The following PPP1R21 variants were observed in gnomAD, a reference collection of about 807,000 sequenced individuals.
PPP1R21 encodes protein phosphatase 1 regulatory subunit 21, also known as KLRAQ motif containing 1.
In PPP1R21, 85 loss-of-function variants were observed where a neutral mutation model predicts 112.8. The observed-to-expected ratio is 0.75, with a 90% CI of 0.63 to 0.90. The LOEUF is 0.90. Ranked by LOEUF, PPP1R21 falls within the 40% of genes least tolerant of loss-of-function variation. The pLI is 0.00. For missense variants in PPP1R21, 1,199 were observed against 901.5 expected (o/e 1.33, Z -4.23); for synonymous variants, 381 against 322.3 (o/e 1.18, Z -1.95).
In PPP1R21 at chr2:48,450,954, G is replaced by C. The variant is rs1023317533; in HGVS notation, c.58-54G>C. ...CCTGTAAAATTGATGTGATTTCCTT[G>C]ATATAACCAATTGCTTTATATTAGA... On this transcript the variant is annotated intron_variant, in intron 1 of 21. Coordinates refer to ENST00000294952, the MANE Select transcript of PPP1R21 (RefSeq NM_001135629.3). 21 of 1,447,470 alleles carry C rather than the reference G, an allele frequency of 1.5e-5. No homozygotes were observed. In the African/African-American group the frequency reaches 2.4e-4, roughly 16 times the overall value. The allele number at this position is 1,447,470 out of a possible 1,614,324, so 89.7% of individuals were successfully genotyped here.
intron 11 of PPP1R21, among the ~76,000 whole-genome samples, chr2:48,471,786 C>T (rs1668505628): frequency 6.6e-6 from 1 of 152,030 alleles, no homozygotes; most frequent in Non-Finnish European, 1.5e-5. Flanking sequence ...ATTTAGTAAC[C>T]TTTGATATTC....
At chr2:48,452,559 T>A (rs1018987037) in intron 2 of PPP1R21, among the ~76,000 whole-genome samples, 3 of 151,060 alleles carry the variant, frequency 2.0e-5, no homozygotes, top group South Asian at 2.1e-4. Flanking sequence ...ATAAATTATT[T>A]TTTTTTTTAC....
intron 18 of PPP1R21, among the ~76,000 whole-genome samples, chr2:48,506,881 G>C (rs1670403204): frequency 6.6e-6 from 1 of 150,594 alleles, no homozygotes; most frequent in African/African-American, 2.4e-5. Flanking sequence ...GGGAGGCGGA[G>C]CTTGCAGTGA....
chr2:48,443,880 G>T (rs76874430), intron 1 of PPP1R21, among the ~76,000 whole-genome samples: 11,370 of 152,240 alleles, frequency 0.075, 603 homozygotes, highest in Non-Finnish European at 0.11. Context: ...AAAGGAAAAA[G>T]GTGTCCTCTT....
intron 9 of PPP1R21, among the ~76,000 whole-genome samples, chr2:48,468,555 G>C (rs1026302616): frequency 6.6e-6 from 1 of 152,138 alleles, no homozygotes; most frequent in African/African-American, 2.4e-5. Flanking sequence ...GCTCACACCT[G>C]TAATCCTAGT....
At position 48,495,721 on chromosome 2, in the gene PPP1R21, C is replaced by G. The variant is rs187070973; in HGVS notation, c.1642C>G (p.Arg548Gly). ...SVPYEEALAN[R>G]RILLSSTESR... ...GCCTTATGAAGAAGCACTGGCAAAC[C>G]GCCGCATCCTTCTCAGCTCTACTGA... The change falls in exon 16 of 22, where the codon CGC (arginine) becomes GGC (glycine). Residue 548 changes from arginine to glycine, a missense_variant. Coordinates refer to ENST00000294952, the MANE Select transcript of PPP1R21 (RefSeq NM_001135629.3). 1.2e-6 allele frequency: 2 copies of G among 1,612,480 alleles called. No homozygotes were observed. Among genetic ancestry groups the G allele is most frequent in the East Asian group, 2.2e-5 (1 of 44,864 alleles).
chr2:48,453,478 C>G (rs563919642), intron 2 of PPP1R21, among the ~76,000 whole-genome samples: 2 of 152,172 alleles, frequency 1.3e-5, no homozygotes, highest in Admixed American at 6.5e-5. Context: ...CAGGCATGAG[C>G]CACTGTGCCA....
At chr2:48,507,114 A>C in intron 18 of PPP1R21, 155 bp from the exon 19 acceptor site, 1 of 1,055,152 alleles carries the variant, frequency 9.5e-7, no homozygotes, top group Non-Finnish European at 1.3e-6. Flanking sequence ...CTTCCCTGCT[A>C]TGTCTGAAGT....
At chr2:48,486,480 G>GA (rs1175665528) in intron 13 of PPP1R21, 151 bp from the exon 14 acceptor site, 1 of 569,556 alleles carries the variant, frequency 1.8e-6, no homozygotes, top group Non-Finnish European at 3.1e-6. Flanking sequence ...TGACCTAATT[G>GA]ATACTCAGTG....
chr2:48,495,684 C>G lies in PPP1R21; in HGVS notation c.1605C>G (p.Leu535=). The stretch of plus-strand genomic sequence containing the variant: ...TTATGATGCTTTTATCATAGCCCCT[C>G]TTGGAGTCTGTGCCTTATGAAGAAG... ...AAYMKSLRKP[L]LESVPYEEAL... Residue 535 remains leucine (L), a synonymous_variant, in exon 16 of 22, where the codon CTC becomes CTG. Coordinates refer to ENST00000294952, the MANE Select transcript of PPP1R21 (RefSeq NM_001135629.3). 1.3e-6 allele frequency: 2 copies of G among 1,597,760 alleles called. No individual in the cohort carries two copies. Among genetic ancestry groups the G allele is most frequent in the Non-Finnish European group, 1.7e-6 (2 of 1,165,184 alleles).
Position 48,498,803 on chromosome 2 carries a change from A to G in PPP1R21, c.1935+68A>G, listed in dbSNP as rs1427502246. ...CTAATTGGTAAGTATCTAATGTTCA[A>G]CATTAACCATTGTCTTAGTTCATTC... On this transcript the variant is annotated intron_variant, in intron 17 of 21. Coordinates refer to ENST00000294952, the MANE Select transcript of PPP1R21 (RefSeq NM_001135629.3). The G allele has an allele frequency of 8.7e-6, 13 of 1,487,392 alleles. No individual in the cohort carries two copies. The Admixed American group carries it at 1.2e-4, about 14-fold the overall frequency. 92.1% of individuals were successfully genotyped at this position (1,487,392 alleles called of 1,614,324 possible).
chr2:48,487,911 G>A (rs1053358288), intron 14 of PPP1R21, among the ~76,000 whole-genome samples: 2 of 151,992 alleles, frequency 1.3e-5, no homozygotes, highest in Non-Finnish European at 2.9e-5. Context: ...AAACCAAAAG[G>A]ACTGTATTCA....
chr2:48,472,727 T>C (rs549133941), intron 11 of PPP1R21, among the ~76,000 whole-genome samples: 1 of 151,460 alleles, frequency 6.6e-6, no homozygotes, highest in East Asian at 1.9e-4. Flanking sequence ...GGCGGGAAGA[T>C]CACTTGAGGC....
chr2:48,473,800 ACT>A (rs1251445287), intron 11 of PPP1R21, among the ~76,000 whole-genome samples: 2 of 152,134 alleles, frequency 1.3e-5, no homozygotes, highest in African/African-American at 2.4e-5. Context: ...TAGTTAAGAC[ACT>A]ACATTTTTTA....
At chr2:48,514,504 G>C (rs1670786018) in intron 21 of PPP1R21, among the ~76,000 whole-genome samples, 2 of 152,162 alleles carry the variant, frequency 1.3e-5, no homozygotes, top group Admixed American at 6.5e-5. Context: ...GAGAGGGATA[G>C]GGTCTGTGGA....
intron 3 of PPP1R21, 174 bp from the exon 4 acceptor site, chr2:48,457,952 A>G (rs1667796905): frequency 1.7e-6 from 1 of 580,038 alleles, no homozygotes; most frequent in East Asian, 3.8e-5. Context: ...TGCAGTTTCA[A>G]CTTGTGTCAC....
Position 48,501,475 on chromosome 2 carries a change from A to G in PPP1R21, c.1935+2740A>G, listed in dbSNP as rs191244842. On this transcript the variant is annotated intron_variant, in intron 17 of 21. Coordinates refer to ENST00000294952, the MANE Select transcript of PPP1R21 (RefSeq NM_001135629.3). Reference sequence around the variant, plus strand: ...GTCAGTCAGTCAGTCCTCACACAGGATTGTAGGTACTGTCATAACTCCATT... The same window carrying G: ...GTCAGTCAGTCAGTCCTCACACAGGGTTGTAGGTACTGTCATAACTCCATT... 9.3e-4 allele frequency among the ~76,000 whole-genome samples: 141 copies of G among 152,326 alleles called. 1 individual carries two copies. The highest frequency in any genetic ancestry group is 3.2e-3 in the African/African-American group (132 of 41,562).
chr2:48,484,324 G>C (rs1434571681), intron 13 of PPP1R21, among the ~76,000 whole-genome samples: 2 of 152,112 alleles, frequency 1.3e-5, no homozygotes, highest in Non-Finnish European at 2.9e-5. Context: ...CTTTCAAGGA[G>C]CATATTCTAA....
At chr2:48,506,374 G>A (rs559054030) in intron 18 of PPP1R21, among the ~76,000 whole-genome samples, 16 of 152,144 alleles carry the variant, frequency 1.1e-4, no homozygotes, top group East Asian at 9.7e-4. Flanking sequence ...GATTACAGGC[G>A]TGAGCCACTG....
Sources: allele counts gnomAD v4.1 joint callset (sites outside exome capture counted in the v4.1 genomes callset), GRCh38; gene constraint gnomAD v4.1.1; transcripts MANE v1.5; gene names NCBI Gene and HGNC (gene_info 2026-07-23, HGNC 2026-07-21).